The following CD2BP2 variants were observed in gnomAD, a reference collection of about 807,000 sequenced individuals.
The protein encoded by CD2BP2 is CD2 antigen cytoplasmic tail-binding protein 2.
A neutral mutation model predicts 35.9 loss-of-function variants in CD2BP2; 27 were observed. The ratio of observed to expected loss-of-function variants is 0.75; its 90% confidence interval spans 0.55 to 1.04. The LOEUF is 1.04. CD2BP2 is among the 50% of genes least tolerant of loss of function. The pLI, the probability that CD2BP2 is intolerant of heterozygous loss-of-function variation, is 0.00. For missense variants in CD2BP2, 497 were observed against 444.3 expected (o/e 1.12, Z -1.07); for synonymous variants, 213 against 173.5 (o/e 1.23, Z -1.79).
Position 30,353,960 on chromosome 16 carries a change from T to G in CD2BP2, c.316A>C (p.Asn106His). The change falls in exon 4 of 7, where the codon AAC becomes CAC. Residue 106 changes from asparagine to histidine, a missense_variant. By Grantham distance (68) the Asn-to-His change is moderately conservative. Coordinates refer to ENST00000305596, the MANE Select transcript of CD2BP2 (RefSeq NM_006110.3). ...TGAGCATCCCGGTTCAGGAAGTAGTTGCCATCGGCATCAAAGTGGCCTTCC... is the reference window on the plus strand; with the variant it reads ...TGAGCATCCCGGTTCAGGAAGTAGTGGCCATCGGCATCAAAGTGGCCTTCC... ...MEEGHFDADGNYFLNRDAQIR... is the reference protein window; with the variant it reads ...MEEGHFDADGHYFLNRDAQIR... The G allele has an allele frequency of 6.2e-7, 1 of 1,614,168 alleles. No individual in the cohort carries two copies. Among genetic ancestry groups the G allele is most frequent in the Non-Finnish European group, 8.5e-7 (1 of 1,180,028 alleles).
At chr16:30,353,314 C>T (rs1362872893) in intron 5 of CD2BP2, 27 bp from the exon 6 acceptor site, 5 of 1,613,310 alleles carry the variant, frequency 3.1e-6, no homozygotes, top group South Asian at 1.1e-5. Flanking sequence ...AGCCATTTGG[C>T]CTCCAGTGTC....
At position 30,353,072 on chromosome 16, in the gene CD2BP2, G is replaced by A. The variant is rs2049496554; in HGVS notation, c.939C>T (p.Phe313=). The A allele has an allele frequency of 6.2e-7, 1 of 1,613,892 alleles. No individual in the cohort carries two copies. The highest frequency in any genetic ancestry group is 1.3e-5 in the African/African-American group (1 of 74,886). The change falls in exon 7 of 7, where the codon TTC becomes TTT. Residue 313 remains phenylalanine (F), a synonymous_variant. Coordinates refer to ENST00000305596, the MANE Select transcript of CD2BP2 (RefSeq NM_006110.3). ...QMQTWVSEGY[F]PDGVYCRKLD... ...GCTTCCGGCAATAAACACCGTCCGG[G>A]AAGTAGCCTTCACTCACCCAGGTCT...
intron 3 of CD2BP2, 49 bp from the exon 4 acceptor site, chr16:30,354,107 C>T (rs1403257512): frequency 1.2e-6 from 2 of 1,612,836 alleles, no homozygotes; most frequent in Non-Finnish European, 1.7e-6. Context: ...AAAAAGAGAC[C>T]GGAGCCTCCC....
chr16:30,354,516 GCCCGC>G, intron 2 of CD2BP2, 83 bp downstream of exon 2: 1 of 1,471,566 alleles, frequency 6.8e-7, no homozygotes, highest in Non-Finnish European at 9.5e-7. Flanking sequence ...TTCTCTGCCT[GCCCGC>G]CCCGCCCCTC....
rs1470571851 is a variant in CD2BP2 at position 30,354,304 on chromosome 16, C to A, written c.97G>T (p.Gly33Trp). The A allele has an allele frequency of 6.2e-7, 1 of 1,613,934 alleles. No homozygotes were observed. Among genetic ancestry groups the A allele is most frequent in the Admixed American group, 1.7e-5 (1 of 59,968 alleles). Residue 33 changes from glycine (G) to tryptophan (W), a missense_variant, in exon 3 of 7, where the codon GGG becomes TGG. By Grantham distance (184) the Gly-to-Trp change is radical. Transcript: ENST00000305596. ...PKKKLVDPVA[G>W]SGGPGSRFKG... ...AAGCGGCTCCCAGGACCCCCTGACCCAGCCACAGGGTCCACCAGCTGTGAG... is the reference window on the plus strand; with the variant it reads ...AAGCGGCTCCCAGGACCCCCTGACCAAGCCACAGGGTCCACCAGCTGTGAG...
Position 30,353,891 on chromosome 16 carries a change from T to C in CD2BP2, c.375+10A>G. On this transcript the variant is annotated intron_variant, in intron 4 of 6. Transcript: ENST00000305596. The stretch of plus-strand genomic sequence containing the variant: ...CCCAGGCCCCAGCCACGCCAGCCCC[T>C]GGGCCGCACCCAGTCAATGTTGTCC... 1 of 1,613,588 alleles carries C rather than the reference T, an allele frequency of 6.2e-7. No individual in the cohort carries two copies. Among genetic ancestry groups the C allele is most frequent in the Non-Finnish European group, 8.5e-7 (1 of 1,179,916 alleles).
At position 30,353,949 on chromosome 16, in the gene CD2BP2, C is replaced by T. The variant is rs2049509833; in HGVS notation, c.327G>A (p.Leu109=). 1.2e-6 allele frequency: 2 copies of T among 1,614,166 alleles called. No individual in the cohort carries two copies. The highest frequency in any genetic ancestry group is 1.7e-6 in the Non-Finnish European group (2 of 1,180,032). The change falls in exon 4 of 7, where the codon CTG becomes CTA. Residue 109 remains leucine (L), a synonymous_variant. Transcript: ENST00000305596. ...GHFDADGNYF[L]NRDAQIRDSW... is the part of the protein sequence containing the mutation. ...TGTCTCGGATCTGAGCATCCCGGTTCAGGAAGTAGTTGCCATCGGCATCAA... is the reference window on the plus strand; with the variant it reads ...TGTCTCGGATCTGAGCATCCCGGTTTAGGAAGTAGTTGCCATCGGCATCAA...
In CD2BP2 at chr16:30,350,971, G is replaced by A. The variant is rs2049477239; in HGVS notation, c.*2014C>T. ...CTTCTTGCCATCTTCACAGCCAGAA[G>A]CTTCCTTGCTTCATGCGCAGACCCT... On this transcript the variant is annotated 3_prime_UTR_variant, in exon 7 of 7. Transcript: ENST00000305596. 6.5e-6 allele frequency: 1 copy of A among 152,714 alleles called. No homozygotes were observed. Among genetic ancestry groups the A allele is most frequent in the Non-Finnish European group, 1.5e-5 (1 of 68,076 alleles). 9.5% of individuals were successfully genotyped at this position (152,714 alleles called of 1,614,324 possible). A position where few individuals can be genotyped will look rare whatever the true frequency, so the allele number is the denominator to read the frequency against.
intron 1 of CD2BP2, chr16:30,354,986 G>GC (rs892419524): frequency 8.8e-6 from 3 of 340,878 alleles, no homozygotes; most frequent in African/African-American, 6.5e-5. Context: ...CCCAACTCCA[G>GC]CCCCCGCAGT....
chr16:30,352,876 G>A lies in CD2BP2; in HGVS notation c.*109C>T. 1.4e-6 allele frequency: 1 copy of A among 728,764 alleles called. No individual in the cohort carries two copies. Among genetic ancestry groups the A allele is most frequent in the Admixed American group, 2.2e-5 (1 of 44,876 alleles). 45.1% of individuals were successfully genotyped at this position (728,764 alleles called of 1,614,324 possible). On this transcript the variant is annotated 3_prime_UTR_variant, in exon 7 of 7. Coordinates refer to ENST00000305596, the MANE Select transcript of CD2BP2 (RefSeq NM_006110.3). ...CAACTAAAGGCTTTTATTGGGAAAGGGAAATTGACTGAAAAATGGCCTCCA... is the reference window on the plus strand; with the variant it reads ...CAACTAAAGGCTTTTATTGGGAAAGAGAAATTGACTGAAAAATGGCCTCCA...
Position 30,353,885 on chromosome 16 carries a change from A to G in CD2BP2, c.375+16T>C, listed in dbSNP as rs2049508920. The G allele has an allele frequency of 6.2e-7, 1 of 1,613,362 alleles. No homozygotes were observed. The highest frequency in any genetic ancestry group is 8.5e-7 in the Non-Finnish European group (1 of 1,179,864). ...GCCACTCCCAGGCCCCAGCCACGCCAGCCCCTGGGCCGCACCCAGTCAATG... is the reference window on the plus strand; with the variant it reads ...GCCACTCCCAGGCCCCAGCCACGCCGGCCCCTGGGCCGCACCCAGTCAATG... On this transcript the variant is annotated intron_variant, in intron 4 of 6. Coordinates refer to ENST00000305596, the MANE Select transcript of CD2BP2 (RefSeq NM_006110.3).
chr16:30,355,080 C>A (rs746048666), intron 1 of CD2BP2, 132 bp downstream of exon 1: 14 of 250,448 alleles, frequency 5.6e-5, no homozygotes, highest in Non-Finnish European at 1.0e-4. Context: ...AGACCCAGGA[C>A]CTGGCGCTCT....
intron 2 of CD2BP2, 126 bp from the exon 3 acceptor site, chr16:30,354,448 G>A (rs1461426332): frequency 1.4e-6 from 2 of 1,383,460 alleles, no homozygotes; most frequent in African/African-American, 1.4e-5. Context: ...AATATTTCAG[G>A]AGCCACACTA....
Position 30,354,597 on chromosome 16 carries a change from CCCTCA to C in CD2BP2, c.78+2_78+6del. 1 of 1,612,640 alleles carries C rather than the reference CCCTCA, an allele frequency of 6.2e-7. No individual in the cohort carries two copies. On this transcript the variant is annotated splice_donor_variant and splice_donor_5th_base_variant and intron_variant, in intron 2 of 6. Coordinates refer to ENST00000305596, the MANE Select transcript of CD2BP2 (RefSeq NM_006110.3). LOFTEE classifies it high-confidence loss of function. ...TTCCCCCACACAAAGCAGTCTGGCC[CCCTCA>C]CCTTCTTCTTGGGGACAATGATTTC...
chr16:30,354,631 C>T lies in CD2BP2; in HGVS notation c.51G>A (p.Glu17=), dbSNP rs781611018. 15 of 1,613,888 alleles carry T rather than the reference C, an allele frequency of 9.3e-6. No homozygotes were observed. Among genetic ancestry groups the T allele is most frequent in the Non-Finnish European group, 1.3e-5 (15 of 1,179,964 alleles). Residue 17 remains glutamate, a synonymous_variant, in exon 2 of 7, where the codon GAG becomes GAA. Transcript: ENST00000305596. ...TFQGVGDEED[E]DEIIVPKKKL... The stretch of plus-strand genomic sequence containing the variant: ...TCTTCTTGGGGACAATGATTTCATC[C>T]TCATCCTCCTCATCTCCCACGCCTT...
chr16:30,353,148 G>A, intron 6 of CD2BP2, 33 bp downstream of exon 6: 4 of 1,607,654 alleles, frequency 2.5e-6, no homozygotes, highest in African/African-American at 1.3e-5. Flanking sequence ...GGGGAAGCAG[G>A]GACAAGGCAG....
At chr16:30,353,328 C>T (rs1314767564) in intron 5 of CD2BP2, 40 bp downstream of exon 5, 1 of 1,613,332 alleles carries the variant, frequency 6.2e-7, no homozygotes, top group South Asian at 1.1e-5. Context: ...CAGTGTCTCA[C>T]TTCCTACCCA....
In CD2BP2 at chr16:30,354,194, C is replaced by A. The variant is rs1430602145; in HGVS notation, c.207G>T (p.Glu69Asp). The change falls in exon 3 of 7, where the codon GAG (glutamate) becomes GAT (aspartate). Residue 69 changes from glutamate (E) to aspartate (D), a missense_variant. Coordinates refer to ENST00000305596, the MANE Select transcript of CD2BP2 (RefSeq NM_006110.3). Reference protein sequence around the residue: ...GSSKYDILASEDVEGQEAATL... With the variant: ...GSSKYDILASDDVEGQEAATL... The stretch of plus-strand genomic sequence containing the variant: ...TTGGGTACAGCTTACCTTCTACATC[C>A]TCTGAGGCCAAGATGTCATATTTGC... 1.2e-6 allele frequency: 2 copies of A among 1,614,086 alleles called. No homozygotes were observed. The highest frequency in any genetic ancestry group is 2.2e-5 in the East Asian group (1 of 44,872).
chr16:30,353,385 G>T lies in CD2BP2; in HGVS notation c.791C>A (p.Thr264Asn). Residue 264 changes from threonine to asparagine, a missense_variant, in exon 5 of 7, where the codon ACC (threonine) becomes AAC (asparagine). Coordinates refer to ENST00000305596, the MANE Select transcript of CD2BP2 (RefSeq NM_006110.3). The part of the protein sequence containing the change: ...ELAEEELETP[T>N]PTQRGEAESR... Reference sequence around the variant, plus strand: ...AAGCTCACCTCCTCTCTGGGTAGGGGTTGGGGTCTCCAGTTCCTCCTCCGC... The same window carrying T: ...AAGCTCACCTCCTCTCTGGGTAGGGTTTGGGGTCTCCAGTTCCTCCTCCGC... The T allele has an allele frequency of 6.2e-7, 1 of 1,614,084 alleles. No individual in the cohort carries two copies. The highest frequency in any genetic ancestry group is 8.5e-7 in the Non-Finnish European group (1 of 1,179,964).
Sources: allele counts gnomAD v4.1 joint callset, GRCh38; gene constraint gnomAD v4.1.1; transcripts MANE v1.5; gene names NCBI Gene and HGNC (gene_info 2026-07-23, HGNC 2026-07-21).